The following GALNT17 variants were observed in gnomAD, a reference collection of about 807,000 sequenced individuals.
GALNT17 encodes UDP-GalNAc:polypeptide N-acetylgalactosaminyltransferase-like 3.
Under a neutral mutation model 63.7 loss-of-function variants are expected in GALNT17, and 29 were observed. The ratio of observed to expected loss-of-function variants is 0.46; its 90% CI spans 0.34 to 0.62. GALNT17 has a LOEUF of 0.62. Among genes scored for constraint, GALNT17 ranks in the 20% least tolerant of loss-of-function variants. The probability of loss-of-function intolerance (pLI) is 0.01; values close to 1 mark genes in which losing one functional copy is unlikely to be tolerated. For synonymous variants in GALNT17, 305 were observed against 318.3 expected, an observed-to-expected ratio of 0.96 and a Z score of 0.45; for missense variants, 603 against 799.6, an observed-to-expected ratio of 0.75 and a Z score of 2.97.
At chr7:71,143,407 C>CA (rs66560650) in intron 1 of GALNT17, among the ~76,000 whole-genome samples, 55,538 of 116,688 alleles carry the variant, frequency 0.48, 13,346 homozygotes, top group East Asian at 0.78. Context: ...GAGACTGTCT[C>CA]AAAAAAAAAA....
chr7:71,157,237 A>C (rs34895774), intron 1 of GALNT17, among the ~76,000 whole-genome samples: 40,813 of 151,880 alleles, frequency 0.27, 6,124 homozygotes, highest in Middle Eastern at 0.36. Context: ...CCTAGTTCCC[A>C]TATCTGCATC....
chr7:71,206,243 G>A (rs896571244), intron 1 of GALNT17, among the ~76,000 whole-genome samples: 2 of 151,742 alleles, frequency 1.3e-5, no homozygotes, highest in African/African-American at 4.8e-5. Flanking sequence ...TCAGCTCTGT[G>A]TGTGCAGTCT....
intron 1 of GALNT17, among the ~76,000 whole-genome samples, chr7:71,150,732 G>T (rs531162423): frequency 1.3e-5 from 2 of 151,668 alleles, no homozygotes; most frequent in Non-Finnish European, 2.9e-5. Flanking sequence ...GGATGGTCTC[G>T]ATCTCCTGAC....
At chr7:71,265,119 T>TATATATATATATATATATATATATATA (rs58855212) in intron 1 of GALNT17, among the ~76,000 whole-genome samples, 3 of 14,406 alleles carry the variant, frequency 2.1e-4, no homozygotes, top group Non-Finnish European at 2.7e-4. Flanking sequence ...TATATATATA[T>TATATATATATATATATATATATATATA]TTTTTTTTTT....
chr7:71,541,791 C>T (rs140252866), intron 5 of GALNT17, among the ~76,000 whole-genome samples: 22 of 152,144 alleles, frequency 1.4e-4, no homozygotes, highest in African/African-American at 4.3e-4. Context: ...TCAAGTTGCA[C>T]GTCTAAAATG....
intron 1 of GALNT17, among the ~76,000 whole-genome samples, chr7:71,307,510 A>G (rs1791327720): frequency 6.6e-6 from 1 of 151,816 alleles, no homozygotes; most frequent in Non-Finnish European, 1.5e-5. Flanking sequence ...ACGGAAAATT[A>G]TAATACAGCT....
chr7:71,496,489 A>T (rs943570838), intron 5 of GALNT17, among the ~76,000 whole-genome samples: 1 of 152,168 alleles, frequency 6.6e-6, no homozygotes, highest in African/African-American at 2.4e-5. Flanking sequence ...AGTCAAAATG[A>T]GGACAGAGAC....
At chr7:71,208,525 A>G (rs1450270641) in intron 1 of GALNT17, among the ~76,000 whole-genome samples, 3 of 142,096 alleles carry the variant, frequency 2.1e-5, no homozygotes, top group Non-Finnish European at 4.5e-5. Flanking sequence ...ATCATAGCTC[A>G]CTGCAGTCTT....
intron 1 of GALNT17, among the ~76,000 whole-genome samples, chr7:71,225,301 C>T (rs958200652): frequency 2.6e-5 from 4 of 152,238 alleles, no homozygotes; most frequent in Non-Finnish European, 4.4e-5. Flanking sequence ...TTGTGCTTCA[C>T]TACCTTAAAT....
At chr7:71,284,903 A>G (rs575896782) in intron 1 of GALNT17, among the ~76,000 whole-genome samples, 69 of 151,514 alleles carry the variant, frequency 4.6e-4, no homozygotes, top group Non-Finnish European at 6.8e-4. Flanking sequence ...TTTCTTCCAT[A>G]AGTGAGTTAA....
At chr7:71,157,934 G>A (rs999865272) in intron 1 of GALNT17, among the ~76,000 whole-genome samples, 2 of 151,538 alleles carry the variant, frequency 1.3e-5, no homozygotes, top group African/African-American at 2.4e-5. Context: ...AGTTCCATCC[G>A]TGTTGCTGCA....
intron 1 of GALNT17, among the ~76,000 whole-genome samples, chr7:71,135,606 C>G (rs1490522589): frequency 6.6e-6 from 1 of 152,200 alleles, no homozygotes; most frequent in Non-Finnish European, 1.5e-5. Flanking sequence ...CTGAAGAGCC[C>G]TTTAAGACAG....
chr7:71,138,264 G>C (rs577507292), intron 1 of GALNT17, among the ~76,000 whole-genome samples: 2 of 152,240 alleles, frequency 1.3e-5, no homozygotes, highest in South Asian at 4.1e-4. Context: ...TTTGAGCCTA[G>C]GAGTTCGAGG....
At chr7:71,176,798 C>T (rs887810301) in intron 1 of GALNT17, among the ~76,000 whole-genome samples, 2 of 152,160 alleles carry the variant, frequency 1.3e-5, no homozygotes, top group Non-Finnish European at 2.9e-5. Flanking sequence ...GTATTTGCTT[C>T]CCTCCGTGGA....
intron 1 of GALNT17, chr7:71,284,106 T>C (rs767435846): frequency 1.3e-5 from 2 of 152,248 alleles, no homozygotes; most frequent in Non-Finnish European, 2.9e-5. Flanking sequence ...TTTTCGCTCT[T>C]CACAGTAAAT....
chr7:71,418,546 G>A (rs1387268457), intron 4 of GALNT17, among the ~76,000 whole-genome samples: 3 of 152,200 alleles, frequency 2.0e-5, no homozygotes, highest in Non-Finnish European at 4.4e-5. Flanking sequence ...TTGTGGCTCA[G>A]GGAAAAGAAC....
chr7:71,132,901 G>A lies in GALNT17; in HGVS notation c.99G>A (p.Val33=). ...LFLAKCRPIA[V]RSGDAFHEIR... ...TGGCCAAGTGCCGGCCCATCGCGGTGCGCAGCGGAGACGCCTTCCACGAGA... is the reference window on the plus strand; with the variant it reads ...TGGCCAAGTGCCGGCCCATCGCGGTACGCAGCGGAGACGCCTTCCACGAGA... Residue 33 remains valine (V), a synonymous_variant, in exon 1 of 11, where the codon GTG becomes GTA. Coordinates refer to ENST00000333538, the MANE Select transcript of GALNT17 (RefSeq NM_022479.3). 6.2e-7 allele frequency: 1 copy of A among 1,612,752 alleles called. No individual in the cohort carries two copies. The highest frequency in any genetic ancestry group is 8.5e-7 in the Non-Finnish European group (1 of 1,179,578).
At chr7:71,422,373 A>T (rs926814762) in intron 5 of GALNT17, among the ~76,000 whole-genome samples, 18 of 152,212 alleles carry the variant, frequency 1.2e-4, no homozygotes, top group Admixed American at 2.6e-4. Context: ...ATCCAGGATT[A>T]TCTCCCATCT....
chr7:71,394,432 C>T (rs1461044980), intron 3 of GALNT17, among the ~76,000 whole-genome samples: 3 of 152,136 alleles, frequency 2.0e-5, no homozygotes, highest in Non-Finnish European at 2.9e-5. Flanking sequence ...CGGCCCCCTC[C>T]CTTCTTAAAC....
Sources: allele counts gnomAD v4.1 joint callset (sites outside exome capture counted in the v4.1 genomes callset), GRCh38; gene constraint gnomAD v4.1.1; transcripts MANE v1.5; gene names NCBI Gene and HGNC (gene_info 2026-07-23, HGNC 2026-07-21).